The following RAPGEF4 variants were observed in gnomAD, a reference collection of about 807,000 sequenced individuals.
RAPGEF4 encodes the protein RAP guanine-nucleotide-exchange factor (GEF) 4.
A neutral mutation model predicts 147.9 loss-of-function variants in RAPGEF4; 66 were observed. The ratio of observed to expected loss-of-function variants is 0.45; its 90% CI spans 0.37 to 0.55. RAPGEF4 has a LOEUF of 0.55. Among genes scored for constraint, RAPGEF4 ranks in the 20% least tolerant of loss-of-function variants. The pLI is 0.00. For synonymous variants in RAPGEF4, 419 were observed against 442.7 expected (o/e 0.95, Z 0.67); for missense variants, 1,071 against 1,257.3 (o/e 0.85, Z 2.24).
chr2:173,011,190 A>G (rs1282059222), intron 17 of RAPGEF4, among the ~76,000 whole-genome samples: 1 of 151,886 alleles, frequency 6.6e-6, no homozygotes, highest in Non-Finnish European at 1.5e-5. Flanking sequence ...ACACACACAC[A>G]CACACACACA....
In RAPGEF4 at chr2:173,030,224, T is replaced by C. The variant is rs775448653; in HGVS notation, c.2619T>C (p.Val873=). The C allele has an allele frequency of 3.1e-6, 5 of 1,613,738 alleles. No individual in the cohort carries two copies. In the South Asian group the frequency reaches 5.5e-5, roughly 18 times the overall value. ...CCATCGTCATGGGACTAAGTAACGT[T>C]GCTGTGAGCCGCTTGGCACTAACGT... The part of the protein sequence containing the change: ...FFAIVMGLSN[V]AVSRLALTWE... The change falls in exon 26 of 31, where the codon GTT becomes GTC. Residue 873 remains valine, a synonymous_variant. Transcript: ENST00000397081.
intron 6 of RAPGEF4, among the ~76,000 whole-genome samples, chr2:172,937,037 C>CAG (rs1686651959): frequency 1.9e-5 from 1 of 52,602 alleles, no homozygotes; most frequent in African/African-American, 8.1e-5. Flanking sequence ...CCTCTCTCTG[C>CAG]AAAAAAAAAA....
intron 29 of RAPGEF4, 185 bp downstream of exon 29, chr2:173,036,877 T>C: frequency 5.9e-6 from 3 of 509,964 alleles, no homozygotes; most frequent in Non-Finnish European, 7.0e-6. Flanking sequence ...TTTTGTGAAA[T>C]TGAATAGTAT....
Position 173,016,359 on chromosome 2 carries a change from T to C in RAPGEF4, c.1820T>C (p.Val607Ala). ...TTTTGCCAATTACAGGAGTTTTATG[T>C]ATCTGTATCAGATGATGCCCGGATG... ...VSMAFLEEFYVSVSDDARMIA... is the reference protein window; with the variant it reads ...VSMAFLEEFYASVSDDARMIA... Residue 607 changes from valine (V) to alanine (A), a missense_variant, in exon 19 of 31, where the codon GTA becomes GCA. Transcript: ENST00000397081. The C allele has an allele frequency of 1.2e-6, 2 of 1,612,734 alleles. No individual in the cohort carries two copies. Among genetic ancestry groups the C allele is most frequent in the Non-Finnish European group, 1.7e-6 (2 of 1,178,756 alleles).
chr2:172,862,721 T>G (rs1261189621), intron 4 of RAPGEF4, among the ~76,000 whole-genome samples: 1 of 152,214 alleles, frequency 6.6e-6, no homozygotes, highest in Non-Finnish European at 1.5e-5. Flanking sequence ...GGCTAGTGAC[T>G]TGAACACTTG....
At chr2:172,865,491 C>T (rs1694535372) in intron 4 of RAPGEF4, among the ~76,000 whole-genome samples, 1 of 152,186 alleles carries the variant, frequency 6.6e-6, no homozygotes, top group African/African-American at 2.4e-5. Context: ...CCAAAAAGGG[C>T]ACTAGTCTTA....
At position 173,014,539 on chromosome 2, in the gene RAPGEF4, C is replaced by T; in HGVS notation, c.1734C>T (p.Ile578=). Residue 578 remains isoleucine, a synonymous_variant, in exon 18 of 31, where the codon ATC becomes ATT. Coordinates refer to ENST00000397081, the MANE Select transcript of RAPGEF4 (RefSeq NM_007023.4). ...DYALNNKRRV[I]RLVLQWAAMY... ...CCCTCAACAATAAGAGGCGAGTCAT[C>T]CGCCTGGTTCTACAGTGGGCTGCCA... is the stretch of plus-strand genomic sequence containing the variant. 1 of 1,614,076 alleles carries T rather than the reference C, an allele frequency of 6.2e-7. No individual in the cohort carries two copies. Among genetic ancestry groups the T allele is most frequent in the Non-Finnish European group, 8.5e-7 (1 of 1,179,956 alleles).
At position 172,917,729 on chromosome 2, in the gene RAPGEF4, T is replaced by C. The variant is rs1485765810; in HGVS notation, c.445-73T>C. 4 of 1,368,754 alleles carry C rather than the reference T, an allele frequency of 2.9e-6. No homozygotes were observed. In the African/African-American group the frequency reaches 5.7e-5, roughly 20 times the overall value. 84.8% of individuals were successfully genotyped at this position (1,368,754 alleles called of 1,614,324 possible). A position where few individuals can be genotyped will look rare whatever the true frequency, so the allele number is the denominator to read the frequency against. ...TTCCTGACACCCAGCATTTCTGCTT[T>C]TTAACATGTAAATAAATGAATGCTC... On this transcript the variant is annotated intron_variant, in intron 4 of 30. Coordinates refer to ENST00000397081, the MANE Select transcript of RAPGEF4 (RefSeq NM_007023.4).
chr2:172,976,465 G>T (rs1019400874), intron 10 of RAPGEF4, among the ~76,000 whole-genome samples: 8 of 152,168 alleles, frequency 5.3e-5, no homozygotes, highest in Admixed American at 1.3e-4. Flanking sequence ...TTTGAGAAAG[G>T]ACTTAAAAGT....
chr2:173,026,234 C>A (rs1356148458), intron 23 of RAPGEF4, among the ~76,000 whole-genome samples: 1 of 152,222 alleles, frequency 6.6e-6, no homozygotes, highest in African/African-American at 2.4e-5. Context: ...TCTCCCAGGA[C>A]TTCTTCCATT....
intron 29 of RAPGEF4, 176 bp from the exon 30 acceptor site, chr2:173,048,424 C>G (rs1394168738): frequency 1.5e-5 from 20 of 1,367,736 alleles, no homozygotes; most frequent in South Asian, 1.2e-4. Context: ...ATGTGGGTAC[C>G]CCTTTGAAAT....
intron 11 of RAPGEF4, among the ~76,000 whole-genome samples, chr2:172,985,216 G>C (rs1692116154): frequency 6.6e-6 from 1 of 152,186 alleles, no homozygotes. Context: ...GTATGAATTA[G>C]CTATAAGCTA....
intron 18 of RAPGEF4, 106 bp from the exon 19 acceptor site, chr2:173,016,243 G>T (rs1185674243): frequency 2.3e-5 from 17 of 726,434 alleles, no homozygotes; most frequent in African/African-American, 3.5e-5. Flanking sequence ...ATGGTCTGGA[G>T]ATGCTGGTGA....
At chr2:172,748,608 T>A (rs1474692766) in intron 1 of RAPGEF4, among the ~76,000 whole-genome samples, 2 of 152,144 alleles carry the variant, frequency 1.3e-5, no homozygotes, top group Non-Finnish European at 2.9e-5. Flanking sequence ...CAATTCAAGA[T>A]AGATTTGGGT....
chr2:172,983,410 G>A lies in RAPGEF4; in HGVS notation c.1005-86G>A, dbSNP rs537306343. ...TTGTGCAGAAGAAATCCCTGAGCAT[G>A]TTACTGATGCCTGGATCCGTTTCCA... On this transcript the variant is annotated intron_variant, in intron 10 of 30. Transcript: ENST00000397081. 6 of 1,536,512 alleles carry A rather than the reference G, an allele frequency of 3.9e-6. No homozygotes were observed. The African/African-American group carries it at 8.3e-5, about 21-fold the overall frequency.
At chr2:172,991,073 T>C in intron 15 of RAPGEF4, 148 bp downstream of exon 15, 1 of 641,446 alleles carries the variant, frequency 1.6e-6, no homozygotes, top group South Asian at 1.8e-5. Flanking sequence ...TCACACATCT[T>C]GTGGAGTATA....
At position 173,027,115 on chromosome 2, in the gene RAPGEF4, A is replaced by C; in HGVS notation, c.2414A>C (p.Asn805Thr). 1 of 1,609,048 alleles carries C rather than the reference A, an allele frequency of 6.2e-7. No homozygotes were observed. Among genetic ancestry groups the C allele is most frequent in the Non-Finnish European group, 8.5e-7 (1 of 1,178,784 alleles). Residue 805 changes from asparagine (N) to threonine (T), a missense_variant, in exon 25 of 31, where the codon AAT becomes ACT. Asn to Thr is a moderately conservative substitution (Grantham distance 65). Transcript: ENST00000397081. ...ELIYHTFGRH[N>T]FKKTTANLDL... ...ATCTATCACACATTTGGAAGGCATA[A>C]TTTTAAAAAGACCACAGCAAACTTG...
rs138905101 is a variant in RAPGEF4 at position 172,805,124 on chromosome 2, C to T, written c.297+7511C>T. ...CACAGTCAGGCCCTTTCCAGGCAGG[C>T]CCCAGGACCACATGTTGCTTCTTCT... On this transcript the variant is annotated intron_variant, in intron 3 of 30. Coordinates refer to ENST00000397081, the MANE Select transcript of RAPGEF4 (RefSeq NM_007023.4). 1.7e-4 allele frequency among the ~76,000 whole-genome samples: 26 copies of T among 152,264 alleles called. 1 individual carries two copies. In the East Asian group the frequency reaches 4.9e-3, roughly 28 times the overall value.
intron 10 of RAPGEF4, among the ~76,000 whole-genome samples, chr2:172,969,932 A>G (rs558075515): frequency 3.9e-5 from 6 of 152,136 alleles, no homozygotes; most frequent in Non-Finnish European, 5.9e-5. Flanking sequence ...CTTCCATTAT[A>G]TCGCTAGTTG....
Sources: gnomAD v4.1 joint callset for allele counts (sites outside exome capture counted in the v4.1 genomes callset) on GRCh38, gnomAD v4.1.1 for gene constraint, MANE v1.5 for transcripts, NCBI Gene and HGNC (gene_info 2026-07-23, HGNC 2026-07-21) for gene names.